Variants in TENM1 observed in about 807,000 individuals in gnomAD.
TENM1 encodes the protein teneurin-1.
Under a neutral mutation model 174.8 loss-of-function variants are expected in TENM1, and 35 were observed. That is an observed-to-expected ratio of 0.20 (90% CI 0.15 to 0.27). The LOEUF is 0.27. TENM1 is among the 10% of genes least tolerant of loss of function. The pLI is 1.00. For missense variants in TENM1, 1,633 were observed against 2,130.1 expected, an observed-to-expected ratio of 0.77 and a Z score of 4.59; for synonymous variants, 781 against 798.7, an observed-to-expected ratio of 0.98 and a Z score of 0.37.
At chrX:124,933,609 A>G (rs2058204676) in intron 1 of TENM1, among the ~76,000 whole-genome samples, 2 of 112,463 alleles carry the variant, frequency 1.8e-5, no homozygotes, top group African/African-American at 6.5e-5. Context: ...GCTTTGTTAG[A>G]AATTTACTAT....
intron 1 of TENM1, among the ~76,000 whole-genome samples, chrX:124,937,547 A>G (rs1412853580): frequency 8.9e-6 from 1 of 112,284 alleles, no homozygotes; most frequent in Non-Finnish European, 1.9e-5. Flanking sequence ...GAGAAAGGAA[A>G]GAGAAAATAC....
At chrX:124,865,623 C>T (rs186305209) in intron 3 of TENM1, among the ~76,000 whole-genome samples, 1 of 111,271 alleles carries the variant, frequency 9.0e-6, no homozygotes, top group African/African-American at 3.3e-5. Flanking sequence ...CACTTAACAA[C>T]TAAAAGACAA....
chrX:124,803,851 A>G (rs1389625353), intron 3 of TENM1, among the ~76,000 whole-genome samples: 1 of 112,579 alleles, frequency 8.9e-6, no homozygotes, highest in Non-Finnish European at 1.9e-5. Context: ...ATGTACTTTT[A>G]CATTTCATTT....
At chrX:124,762,508 TA>T (rs1319714555) in intron 3 of TENM1, among the ~76,000 whole-genome samples, 5 of 112,027 alleles carry the variant, frequency 4.5e-5, no homozygotes, top group Non-Finnish European at 9.4e-5. Flanking sequence ...AACATGCCTT[TA>T]AAATTGTTAT....
At chrX:124,839,897 T>C (rs2056464164) in intron 3 of TENM1, among the ~76,000 whole-genome samples, 1 of 111,602 alleles carries the variant, frequency 9.0e-6, no homozygotes, top group African/African-American at 3.3e-5. Flanking sequence ...GTTTTGCTTA[T>C]AGTAAATCCT....
chrX:124,483,493 C>T (rs1200429496), intron 21 of TENM1, among the ~76,000 whole-genome samples: 1 of 111,734 alleles, frequency 8.9e-6, no homozygotes, highest in East Asian at 2.8e-4. Context: ...CTTCTTTCCA[C>T]CATTTCCCAC....
the TENM1 span, among the ~76,000 whole-genome samples, chrX:125,087,473 G>A: frequency 9.0e-6 from 1 of 110,964 alleles, no homozygotes; most frequent in Admixed American, 9.6e-5. Flanking sequence ...ACAATCTGAA[G>A]TCATAGATGA....
At chrX:125,111,957 G>C in the TENM1 span, among the ~76,000 whole-genome samples, 4 of 111,528 alleles carry the variant, frequency 3.6e-5, no homozygotes, top group Non-Finnish European at 7.5e-5. Flanking sequence ...CACCTTCTTT[G>C]TGAAGTGCCT....
At chrX:124,467,670 T>TAAAAC (rs1049326079) in intron 22 of TENM1, among the ~76,000 whole-genome samples, 4 of 111,866 alleles carry the variant, frequency 3.6e-5, no homozygotes, top group African/African-American at 9.7e-5. Flanking sequence ...AAGTCTTATT[T>TAAAAC]AAAACAAAAC....
the TENM1 span, among the ~76,000 whole-genome samples, chrX:125,187,499 T>C: frequency 1.8e-5 from 2 of 111,640 alleles, no homozygotes; most frequent in Non-Finnish European, 3.8e-5. Context: ...TATCCAATAA[T>C]TGGAGTCTGG....
At chrX:124,755,793 C>T (rs1283425866) in intron 3 of TENM1, among the ~76,000 whole-genome samples, 6 of 108,880 alleles carry the variant, frequency 5.5e-5, no homozygotes, top group Non-Finnish European at 7.6e-5. Flanking sequence ...AAATTCTTTT[C>T]TTTAAGAATG....
At chrX:124,730,015 A>G (rs189214501) in intron 4 of TENM1, among the ~76,000 whole-genome samples, 70 of 110,574 alleles carry the variant, frequency 6.3e-4, no homozygotes, top group African/African-American at 2.2e-3. Context: ...GATTACAGGG[A>G]CCTGCCACCA....
intron 11 of TENM1, among the ~76,000 whole-genome samples, chrX:124,636,781 T>C (rs1355696479): frequency 1.8e-5 from 2 of 111,983 alleles, no homozygotes; most frequent in East Asian, 2.8e-4. Context: ...CTCAGTTTCT[T>C]CATGTTTCAA....
intron 3 of TENM1, among the ~76,000 whole-genome samples, chrX:124,865,188 TAGTA>T (rs772898681): frequency 1.8e-5 from 2 of 111,639 alleles, no homozygotes; most frequent in East Asian, 5.6e-4. Context: ...TCACTGGTAA[TAGTA>T]AGTATACAGA....
At chrX:124,578,904 GCAGC>G (rs1176866440) in intron 11 of TENM1, among the ~76,000 whole-genome samples, 2 of 111,682 alleles carry the variant, frequency 1.8e-5, no homozygotes, top group African/African-American at 6.5e-5. Flanking sequence ...CTATATTTAC[GCAGC>G]CATATTAGAA....
At chrX:124,906,409 C>T (rs147195432) in intron 1 of TENM1, among the ~76,000 whole-genome samples, 1,152 of 111,729 alleles carry the variant, frequency 0.01, 12 homozygotes, top group African/African-American at 0.035. Context: ...AAGCTTTGTT[C>T]TAGTGTGTGC....
intron 6 of TENM1, among the ~76,000 whole-genome samples, chrX:124,668,686 C>A (rs1169623504): frequency 9.6e-6 from 1 of 103,837 alleles, no homozygotes; most frequent in Non-Finnish European, 2.0e-5. Flanking sequence ...ACATCACACT[C>A]TGGGGACTGT....
the TENM1 span, among the ~76,000 whole-genome samples, chrX:125,044,966 A>G: frequency 1.1e-4 from 12 of 111,739 alleles, no homozygotes; most frequent in Non-Finnish European, 1.5e-4. Flanking sequence ...TCATACTGCT[A>G]TGAAGAACTG....
chrX:125,160,798 G>T, the TENM1 span, among the ~76,000 whole-genome samples: 1 of 109,365 alleles, frequency 9.1e-6, no homozygotes, highest in African/African-American at 3.3e-5. Flanking sequence ...TGTTATAGAG[G>T]ATGTAGAGAA....
Sources: gnomAD v4.1 joint callset for allele counts (sites outside exome capture counted in the v4.1 genomes callset) on GRCh38, gnomAD v4.1.1 for gene constraint, MANE v1.5 for transcripts, NCBI Gene and HGNC (gene_info 2026-07-23, HGNC 2026-07-21) for gene names.